The following TAF3 variants were observed in gnomAD, a reference collection of about 807,000 sequenced individuals.
TAF3 encodes TATA-box binding protein associated factor 3.
Under a neutral mutation model 80.6 loss-of-function variants are expected in TAF3, and 7 were observed. That is an observed-to-expected ratio of 0.09 (90% CI 0.05 to 0.16). The LOEUF is 0.16. TAF3 is among the 10% of genes least tolerant of loss of function. TAF3 has a pLI of 1.00. For missense variants in TAF3, 921 were observed against 1,140.2 expected, an observed-to-expected ratio of 0.81 and a Z score of 2.77; for synonymous variants, 444 against 446.1, an observed-to-expected ratio of 1.00 and a Z score of 0.06.
intron 4 of TAF3, among the ~76,000 whole-genome samples, chr10:7,980,191 G>T (rs1413435455): frequency 6.6e-6 from 1 of 152,022 alleles, no homozygotes. Flanking sequence ...GTCCAGGGGG[G>T]TATTTATTGC....
In TAF3 at chr10:7,931,220, T is replaced by C. The variant is rs1588556240; in HGVS notation, c.410-32700T>C. Among the ~76,000 whole-genome samples the C allele has an allele frequency of 3.9e-5, 6 of 152,228 alleles. No individual in the cohort carries two copies. In the South Asian group the frequency reaches 1.2e-3, roughly 32 times the overall value. ...ATTCACCCCTCATAATAACTCAGAG[T>C]CAGTTTTGTTATTATCTTCATTTTA... On this transcript the variant is annotated intron_variant, in intron 2 of 6. Coordinates refer to ENST00000344293, the MANE Select transcript of TAF3 (RefSeq NM_031923.4).
chr10:7,867,638 G>T (rs147198353), intron 2 of TAF3, among the ~76,000 whole-genome samples: 3 of 152,286 alleles, frequency 2.0e-5, no homozygotes, highest in Non-Finnish European at 4.4e-5. Context: ...CAATATTGTG[G>T]AGACAGGATG....
At chr10:7,835,235 C>T (rs1836840095) in intron 2 of TAF3, among the ~76,000 whole-genome samples, 1 of 152,104 alleles carries the variant, frequency 6.6e-6, no homozygotes, top group African/African-American at 2.4e-5. Context: ...AAGTCACACA[C>T]AAAAAAGTCA....
intron 2 of TAF3, among the ~76,000 whole-genome samples, chr10:7,861,753 A>G (rs777698801): frequency 2.0e-5 from 3 of 152,046 alleles, no homozygotes; most frequent in African/African-American, 7.2e-5. Context: ...GCTTTCACCA[A>G]TTTAACTAGG....
chr10:7,844,067 T>C (rs537849847), intron 2 of TAF3, among the ~76,000 whole-genome samples: 1 of 152,320 alleles, frequency 6.6e-6, no homozygotes, highest in South Asian at 2.1e-4. Flanking sequence ...TTAGAAAGGA[T>C]AGTAACAATT....
chr10:7,994,788 C>T (rs1187406800), intron 4 of TAF3, among the ~76,000 whole-genome samples: 1 of 147,846 alleles, frequency 6.8e-6, no homozygotes, highest in Non-Finnish European at 1.5e-5. Flanking sequence ...CATGGTGAAA[C>T]CCTGTCTCTA....
chr10:8,008,447 G>A (rs527854341), intron 4 of TAF3, among the ~76,000 whole-genome samples: 47 of 152,270 alleles, frequency 3.1e-4, no homozygotes, highest in Admixed American at 8.5e-4. Context: ...ACCCAGAAGT[G>A]AGAAAGTCTT....
chr10:7,946,949 G>A (rs1838030526), intron 2 of TAF3, among the ~76,000 whole-genome samples: 1 of 151,890 alleles, frequency 6.6e-6, no homozygotes, highest in African/African-American at 2.4e-5. Context: ...GTTTTTGGAG[G>A]CGGATTCTCG....
chr10:7,842,151 GTT>G (rs71505465), intron 2 of TAF3, among the ~76,000 whole-genome samples: 6 of 98,796 alleles, frequency 6.1e-5, no homozygotes, highest in South Asian at 6.8e-4. Context: ...AATTAATATT[GTT>G]TTTTTTTTTT....
chr10:7,828,729 TATTTGCATA>T (rs912168375), intron 2 of TAF3, among the ~76,000 whole-genome samples: 23 of 152,072 alleles, frequency 1.5e-4, no homozygotes, highest in African/African-American at 5.5e-4. Context: ...TGGTTCAAAA[TATTTGCATA>T]AGAAAGAAAT....
At chr10:7,831,038 G>T (rs532328936) in intron 2 of TAF3, among the ~76,000 whole-genome samples, 2 of 152,170 alleles carry the variant, frequency 1.3e-5, no homozygotes, top group African/African-American at 4.8e-5. Context: ...CAGTGCTGAT[G>T]CTCAGTGCCT....
At chr10:7,888,059 C>T (rs1328021436) in intron 2 of TAF3, among the ~76,000 whole-genome samples, 2 of 152,162 alleles carry the variant, frequency 1.3e-5, no homozygotes, top group Non-Finnish European at 2.9e-5. Context: ...TGCTCTGCAG[C>T]CAGCCGTCAA....
chr10:7,844,196 G>A (rs538538301), intron 2 of TAF3, among the ~76,000 whole-genome samples: 54 of 152,174 alleles, frequency 3.5e-4, no homozygotes, highest in African/African-American at 1.2e-3. Context: ...AAGGCTTTGT[G>A]ATATCCTATC....
At chr10:7,852,892 A>G (rs1837042718) in intron 2 of TAF3, among the ~76,000 whole-genome samples, 1 of 152,254 alleles carries the variant, frequency 6.6e-6, no homozygotes, top group Non-Finnish European at 1.5e-5. Context: ...TCAGTTTTCA[A>G]AATAATGAAT....
chr10:7,838,366 TTTG>T (rs146500081), intron 2 of TAF3, among the ~76,000 whole-genome samples: 15 of 151,516 alleles, frequency 9.9e-5, no homozygotes, highest in Non-Finnish European at 1.5e-4. Flanking sequence ...TTTGTTTTTT[TTTG>T]TTGTTGTTGT....
intron 2 of TAF3, among the ~76,000 whole-genome samples, chr10:7,867,605 C>T (rs1015209327): frequency 6.6e-6 from 1 of 152,184 alleles, no homozygotes; most frequent in African/African-American, 2.4e-5. Context: ...GAGACAGGTA[C>T]TCACTCATCC....
intron 2 of TAF3, among the ~76,000 whole-genome samples, chr10:7,856,310 T>C (rs1393623286): frequency 6.6e-6 from 1 of 151,954 alleles, no homozygotes; most frequent in Non-Finnish European, 1.5e-5. Context: ...ACCCCGTCTC[T>C]ACTAAAAATA....
intron 2 of TAF3, among the ~76,000 whole-genome samples, chr10:7,853,881 T>C (rs1837052499): frequency 6.6e-6 from 1 of 152,228 alleles, no homozygotes; most frequent in African/African-American, 2.4e-5. Context: ...CAACCACAGG[T>C]TGGCCACTGA....
intron 2 of TAF3, among the ~76,000 whole-genome samples, chr10:7,897,955 C>A (rs1284429421): frequency 6.6e-6 from 1 of 152,148 alleles, no homozygotes; most frequent in Admixed American, 6.5e-5. Flanking sequence ...GCCACCACAC[C>A]CGGTCCCTAT....
Sources: allele counts gnomAD v4.1 joint callset (sites outside exome capture counted in the v4.1 genomes callset), GRCh38; gene constraint gnomAD v4.1.1; transcripts MANE v1.5; gene names NCBI Gene and HGNC (gene_info 2026-07-23, HGNC 2026-07-21).